MLLT10: variants seen among roughly 807,000 people sequenced by gnomAD.
MLLT10 encodes MLLT10 histone lysine methyltransferase DOT1L cofactor.
Under a neutral mutation model 129.1 loss-of-function variants are expected in MLLT10, and 30 were observed. That is an observed-to-expected ratio of 0.23 (90% CI 0.17 to 0.32). The LOEUF is 0.32. MLLT10 is among the 10% of genes least tolerant of loss of function. The pLI, the probability that MLLT10 is intolerant of heterozygous loss-of-function variation, is 1.00. For missense variants in MLLT10, 1,119 were observed against 1,268.3 expected (o/e 0.88, Z 1.79); for synonymous variants, 490 against 446.4 (o/e 1.10, Z -1.23).
At chr10:21,585,002 T>C (rs2041867117) in intron 3 of MLLT10, among the ~76,000 whole-genome samples, 1 of 151,808 alleles carries the variant, frequency 6.6e-6, no homozygotes, top group African/African-American at 2.4e-5. Flanking sequence ...ACTGCAGCCT[T>C]GACCTTCTGG....
At chr10:21,707,986 G>A (rs987472662) in intron 13 of MLLT10, among the ~76,000 whole-genome samples, 1 of 152,040 alleles carries the variant, frequency 6.6e-6, no homozygotes, top group Non-Finnish European at 1.5e-5. Flanking sequence ...TTTCACTCTT[G>A]TGGTACCTTT....
chr10:21,734,221 G>A, intron 20 of MLLT10, 92 bp downstream of exon 20: 1 of 1,452,076 alleles, frequency 6.9e-7, no homozygotes, highest in Non-Finnish European at 9.2e-7. Flanking sequence ...GTGTTCCTTT[G>A]TAGATACACC....
rs552923369 is a variant in MLLT10 at position 21,536,379 on chromosome 10, G to A, written c.160+1575G>A. Among the ~76,000 whole-genome samples, 3 of 152,148 alleles carry A rather than the reference G, an allele frequency of 2.0e-5. No homozygotes were observed. In the East Asian group the frequency reaches 5.8e-4, roughly 29 times the overall value. ...AAGGCCAATGAATTTCTTATGAATT[G>A]GAATTTCTTATGAATTGGATGATAA... On this transcript the variant is annotated intron_variant, in intron 2 of 22. Coordinates refer to ENST00000307729, the MANE Select transcript of MLLT10 (RefSeq NM_001195626.3).
chr10:21,641,912 C>T (rs1224120772), intron 8 of MLLT10, among the ~76,000 whole-genome samples: 2 of 152,166 alleles, frequency 1.3e-5, no homozygotes, highest in African/African-American at 4.8e-5. Flanking sequence ...TGTGGCAGAG[C>T]ATTGTTGACT....
At chr10:21,707,286 G>A (rs552320474) in intron 13 of MLLT10, among the ~76,000 whole-genome samples, 98 of 147,790 alleles carry the variant, frequency 6.6e-4, no homozygotes, top group African/African-American at 1.7e-3. Flanking sequence ...TCCGCCTCCC[G>A]GGTTCACGCC....
At chr10:21,717,816 T>TC (rs1564712030) in intron 14 of MLLT10, among the ~76,000 whole-genome samples, 56 of 109,068 alleles carry the variant, frequency 5.1e-4, no homozygotes, top group African/African-American at 1.8e-3. Context: ...TTCTTCTCCT[T>TC]CTTCTCCTCC....
At chr10:21,547,398 GTTTTC>G (rs1356174774) in intron 3 of MLLT10, among the ~76,000 whole-genome samples, 4 of 134,664 alleles carry the variant, frequency 3.0e-5, no homozygotes, top group Admixed American at 7.3e-5. Flanking sequence ...TTACTCTGCT[GTTTTC>G]TTTTTTTTTT....
intron 14 of MLLT10, among the ~76,000 whole-genome samples, chr10:21,726,030 C>T (rs937926074): frequency 3.3e-5 from 5 of 152,026 alleles, no homozygotes; most frequent in Non-Finnish European, 7.3e-5. Context: ...GGATTACAGG[C>T]GTGAGCCACC....
intron 10 of MLLT10, among the ~76,000 whole-genome samples, chr10:21,672,275 G>A (rs1205807891): frequency 6.6e-6 from 1 of 151,176 alleles, no homozygotes; most frequent in East Asian, 2.0e-4. Context: ...ACGGCTCACT[G>A]CAAGGTTGAC....
chr10:21,717,903 C>CCTCCTCCTT, intron 14 of MLLT10, among the ~76,000 whole-genome samples: 1 of 146,234 alleles, frequency 6.8e-6, no homozygotes, highest in East Asian at 2.0e-4. Flanking sequence ...TCCTCCTCCT[C>CCTCCTCCTT]CTCCTCCTTC....
chr10:21,608,364 GTGAGGTTTTGC>G (rs796636875), intron 5 of MLLT10, among the ~76,000 whole-genome samples: 22 of 151,636 alleles, frequency 1.5e-4, no homozygotes, highest in African/African-American at 4.8e-4. Flanking sequence ...TAAAGTAGAG[GTGAGGTTTTGC>G]TATGTTTTCC....
intron 14 of MLLT10, 108 bp downstream of exon 14, chr10:21,714,058 T>A (rs1414266389): frequency 1.1e-6 from 1 of 869,788 alleles, no homozygotes; most frequent in Non-Finnish European, 1.7e-6. Context: ...TAGGAATTTA[T>A]GAAATACCTC....
chr10:21,622,929 C>A (rs574359679), intron 8 of MLLT10, among the ~76,000 whole-genome samples: 8 of 152,300 alleles, frequency 5.3e-5, no homozygotes, highest in African/African-American at 1.7e-4. Flanking sequence ...ACAACCTTCT[C>A]CTTAGATTAG....
intron 4 of MLLT10, among the ~76,000 whole-genome samples, chr10:21,595,075 C>CA (rs1195070542): frequency 6.6e-6 from 1 of 152,042 alleles, no homozygotes; most frequent in African/African-American, 2.4e-5. Flanking sequence ...GTGTTAGTGC[C>CA]AACATCTGAA....
intron 13 of MLLT10, among the ~76,000 whole-genome samples, chr10:21,708,015 T>C (rs1277552890): frequency 6.6e-6 from 1 of 152,218 alleles, no homozygotes; most frequent in Non-Finnish European, 1.5e-5. Context: ...CATTATAGTA[T>C]GTGTTGGAAT....
At chr10:21,584,273 C>T (rs1391453311) in intron 3 of MLLT10, among the ~76,000 whole-genome samples, 5 of 148,374 alleles carry the variant, frequency 3.4e-5, no homozygotes, top group Non-Finnish European at 6.0e-5. Flanking sequence ...AAGTGATTCT[C>T]CTGCCTCAGC....
chr10:21,703,510 C>G (rs1381267911), intron 13 of MLLT10, among the ~76,000 whole-genome samples: 2 of 152,044 alleles, frequency 1.3e-5, no homozygotes, highest in African/African-American at 4.8e-5. Context: ...CTTAGAGCCT[C>G]CTCTATCTGG....
At chr10:21,542,642 G>A (rs1174014216) in intron 3 of MLLT10, among the ~76,000 whole-genome samples, 2 of 152,322 alleles carry the variant, frequency 1.3e-5, no homozygotes, top group South Asian at 2.1e-4. Context: ...TTGAGAGGCC[G>A]AGGTGAGAGG....
intron 8 of MLLT10, among the ~76,000 whole-genome samples, chr10:21,642,311 C>T (rs1042742111): frequency 1.3e-5 from 2 of 151,988 alleles, no homozygotes; most frequent in Admixed American, 6.6e-5. Context: ...GAAATCGTGC[C>T]ATTGCACTCC....
Sources: gnomAD v4.1 joint callset for allele counts (sites outside exome capture counted in the v4.1 genomes callset) on GRCh38, gnomAD v4.1.1 for gene constraint, MANE v1.5 for transcripts, NCBI Gene and HGNC (gene_info 2026-07-23, HGNC 2026-07-21) for gene names.